CLCA2: variants seen among roughly 807,000 people sequenced by gnomAD.
The protein encoded by CLCA2 is chloride channel accessory 2.
In CLCA2, 85 loss-of-function variants were observed where a neutral mutation model predicts 82.9. The observed-to-expected ratio is 1.03, with a 90% confidence interval of 0.86 to 1.23. The LOEUF is 1.23. CLCA2 is among the 50% of genes most tolerant of loss of function. The probability of loss-of-function intolerance (pLI) is 0.00; values close to 1 mark genes in which losing one functional copy is unlikely to be tolerated. For synonymous variants in CLCA2, 421 were observed against 391.7 expected (o/e 1.07, Z -0.88); for missense variants, 1,089 against 1,124.8 (o/e 0.97, Z 0.45).
rs758486566 is a variant in CLCA2, at chr1:86,428,512, A to T, written c.419A>T (p.His140Leu). The T allele has an allele frequency of 2.4e-5, 38 of 1,613,660 alleles. No individual in the cohort carries two copies. In the Admixed American group the frequency reaches 6.3e-4, roughly 27 times the overall value. ...RGCGKEGKYI[H>L]FTPNFLLNDN... ...TGTGGAAAAGAGGGAAAATACATTC[A>T]TTTCACACCTAATTTCCTACTGAAT... Residue 140 changes from histidine to leucine, a missense_variant, in exon 3 of 14, where the codon CAT becomes CTT. His to Leu is a moderately conservative substitution (Grantham distance 99). Transcript: ENST00000370565.
At chr1:86,439,947 G>T (rs1235508751) in intron 7 of CLCA2, among the ~76,000 whole-genome samples, 1 of 152,158 alleles carries the variant, frequency 6.6e-6, no homozygotes, top group Non-Finnish European at 1.5e-5. Context: ...GATGATTCAA[G>T]CAGGAAAAGT....
In CLCA2 at chr1:86,455,230, G is replaced by T; in HGVS notation, c.2535G>T (p.Thr845=). 1 of 1,614,030 alleles carries T rather than the reference G, an allele frequency of 6.2e-7. No individual in the cohort carries two copies. The highest frequency in any genetic ancestry group is 8.5e-7 in the Non-Finnish European group (1 of 1,179,994). Residue 845 remains threonine (T), a synonymous_variant, in exon 14 of 14, where the codon ACG becomes ACT. Transcript: ENST00000370565. ...EIFTFSPQIS[T]NGPEHQPNGE... ...TTACGTTCTCACCCCAAATTTCCAC[G>T]AATGGACCTGAACATCAGCCAAATG...
intron 6 of CLCA2, among the ~76,000 whole-genome samples, chr1:86,435,135 G>A (rs1484495061): frequency 6.6e-6 from 1 of 152,148 alleles, no homozygotes; most frequent in Non-Finnish European, 1.5e-5. Flanking sequence ...AGGTAAGGGT[G>A]AGAGTTGGAG....
At chr1:86,434,482 G>A in intron 5 of CLCA2, 36 bp from the exon 6 acceptor site, 3 of 1,545,292 alleles carry the variant, frequency 1.9e-6, no homozygotes, top group Non-Finnish European at 2.7e-6. Flanking sequence ...TTTGGGAGAA[G>A]TGCCTCTCTT....
chr1:86,440,214 A>C lies in CLCA2; in HGVS notation c.1270A>C (p.Lys424Gln). 1.2e-6 allele frequency: 2 copies of C among 1,614,112 alleles called. No homozygotes were observed. The highest frequency in any genetic ancestry group is 1.7e-6 in the Non-Finnish European group (2 of 1,179,986). Residue 424 changes from lysine (K) to glutamine (Q), a missense_variant, in exon 8 of 14, where the codon AAG becomes CAG. By Grantham distance (53) the Lys-to-Gln change is moderately conservative. Transcript: ENST00000370565. ...GATATTAGTGACCAGCGGAGATGAT[A>C]AGCTTCTTGGCAATTGCTTACCCAC... ...VMILVTSGDD[K>Q]LLGNCLPTVL...
chr1:86,430,903 G>A lies in CLCA2; in HGVS notation c.517G>A (p.Val173Met). The change falls in exon 4 of 14, where the codon GTG becomes ATG. Residue 173 changes from valine to methionine, a missense_variant. By Grantham distance (21) the Val-to-Met change is conservative (BLOSUM62 1). Transcript: ENST00000370565. ...TGAATGGGCCCACCTCCGTTGGGGT[G>A]TGTTCGATGAGTATAACAATGACAA... is the stretch of plus-strand genomic sequence containing the variant. ...VHEWAHLRWG[V>M]FDEYNNDKPF... 6.2e-7 allele frequency: 1 copy of A among 1,613,916 alleles called. No individual in the cohort carries two copies.
At chr1:86,449,719 G>T (rs1187131190) in intron 11 of CLCA2, among the ~76,000 whole-genome samples, 6 of 152,172 alleles carry the variant, frequency 3.9e-5, no homozygotes, top group Admixed American at 3.9e-4. Flanking sequence ...TATGAAAACT[G>T]AATTGACCTC....
intron 5 of CLCA2, among the ~76,000 whole-genome samples, chr1:86,433,238 C>A (rs1662535708): frequency 6.6e-6 from 1 of 152,136 alleles, no homozygotes; most frequent in African/African-American, 2.4e-5. Context: ...AGGTTAGTAG[C>A]ATCAGCCTTC....
Position 86,440,272 on chromosome 1 carries a change from T to C in CLCA2, c.1328T>C (p.Ile443Thr). 1 of 1,614,156 alleles carries C rather than the reference T, an allele frequency of 6.2e-7. No homozygotes were observed. The highest frequency in any genetic ancestry group is 8.5e-7 in the Non-Finnish European group (1 of 1,180,000). ...AGCAGTGGTTCAACAATTCACTCCA[T>C]TGCCCTGGGTTCATCTGCAGCCCCA... is the stretch of plus-strand genomic sequence containing the variant. ...VLSSGSTIHS[I>T]ALGSSAAPNL... The change falls in exon 8 of 14, where the codon ATT becomes ACT. Residue 443 changes from isoleucine (I) to threonine (T), a missense_variant. Physicochemically the swap from Ile to Thr is moderately conservative, Grantham distance 89. Transcript: ENST00000370565.
chr1:86,447,483 C>A, intron 10 of CLCA2, 25 bp from the exon 11 acceptor site: 1 of 1,592,046 alleles, frequency 6.3e-7, no homozygotes, highest in Admixed American at 1.8e-5. Context: ...TCACACTTTC[C>A]AAAACAATAA....
chr1:86,437,414 C>A (rs901839129), intron 6 of CLCA2, among the ~76,000 whole-genome samples: 1 of 151,980 alleles, frequency 6.6e-6, no homozygotes, highest in Non-Finnish European at 1.5e-5. Flanking sequence ...CAGCACCTGG[C>A]GCTGTAGAAG....
chr1:86,455,588 C>A lies in CLCA2; in HGVS notation c.*61C>A. On this transcript the variant is annotated 3_prime_UTR_variant, in exon 14 of 14. Coordinates refer to ENST00000370565, the MANE Select transcript of CLCA2 (RefSeq NM_006536.7). ...GACCCATGGCCTTCGACTACAAAAA[C>A]ATACTAACAAAGTCAAATTAACATC... 1 of 1,100,590 alleles carries A rather than the reference C, an allele frequency of 9.1e-7. No homozygotes were observed. The allele number at this position is 1,100,590 out of a possible 1,614,324, so 68.2% of individuals were successfully genotyped here.
intron 11 of CLCA2, 89 bp from the exon 12 acceptor site, chr1:86,450,474 T>G: frequency 1.0e-6 from 1 of 993,034 alleles, no homozygotes; most frequent in African/African-American, 1.7e-5. Flanking sequence ...ATAGAAAGAA[T>G]AAGGGGAGTA....
rs536044792 is a variant in CLCA2 at position 86,450,431 on chromosome 1, A to G, written c.1985-132A>G. 1.8e-5 allele frequency: 11 copies of G among 628,330 alleles called. No individual in the cohort carries two copies. In the South Asian group the frequency reaches 4.0e-4, roughly 23 times the overall value. The allele number at this position is 628,330 out of a possible 1,614,324, so 38.9% of individuals were successfully genotyped here. On this transcript the variant is annotated intron_variant, in intron 11 of 13. Coordinates refer to ENST00000370565, the MANE Select transcript of CLCA2 (RefSeq NM_006536.7). ...GGATTTTTTATCACCTGAGAATGTA[A>G]AAAGTAGATAAGAGCATGATAATAT...
At chr1:86,453,048 C>G (rs1236980497) in intron 12 of CLCA2, among the ~76,000 whole-genome samples, 1 of 152,154 alleles carries the variant, frequency 6.6e-6, no homozygotes, top group African/African-American at 2.4e-5. Flanking sequence ...TGACGGGCAC[C>G]TGTAATCCCA....
intron 1 of CLCA2, 43 bp downstream of exon 1, chr1:86,424,476 C>T (rs1161413139): frequency 6.5e-7 from 1 of 1,542,240 alleles, no homozygotes; most frequent in Non-Finnish European, 8.8e-7. Flanking sequence ...CCCATTTGAT[C>T]AGACCTGTAG....
Position 86,456,044 on chromosome 1 carries a change from T to A in CLCA2, c.*517T>A, listed in dbSNP as rs938035558. ...TTTGTTATATATATTACAGATGAAA[T>A]CTCACTGCTAATGCTCAGAGATCTT... On this transcript the variant is annotated 3_prime_UTR_variant, in exon 14 of 14. Coordinates refer to ENST00000370565, the MANE Select transcript of CLCA2 (RefSeq NM_006536.7). 6.6e-6 allele frequency: 1 copy of A among 152,188 alleles called. No individual in the cohort carries two copies. The highest frequency in any genetic ancestry group is 1.5e-5 in the Non-Finnish European group (1 of 68,026). The allele number at this position is 152,188 out of a possible 1,614,324, so 9.4% of individuals were successfully genotyped here.
intron 3 of CLCA2, among the ~76,000 whole-genome samples, chr1:86,430,606 G>A (rs1371556070): frequency 6.6e-6 from 1 of 152,188 alleles, no homozygotes; most frequent in Non-Finnish European, 1.5e-5. Context: ...GCTTCAAATA[G>A]ATGTGCAACA....
intron 12 of CLCA2, among the ~76,000 whole-genome samples, chr1:86,451,139 C>A (rs970927874): frequency 2.6e-5 from 4 of 152,166 alleles, no homozygotes; most frequent in Non-Finnish European, 5.9e-5. Context: ...ACAGTCCACA[C>A]AGGAAATGAG....
Sources: gnomAD v4.1 joint callset for allele counts (sites outside exome capture counted in the v4.1 genomes callset) on GRCh38, gnomAD v4.1.1 for gene constraint, MANE v1.5 for transcripts, NCBI Gene and HGNC (gene_info 2026-07-23, HGNC 2026-07-21) for gene names.